Variants in TMC2 observed in about 807,000 individuals in gnomAD.
TMC2 encodes the protein transmembrane channel like 2.
A neutral mutation model predicts 105.9 loss-of-function variants in TMC2; 102 were observed. That is an observed-to-expected ratio of 0.96 (90% CI 0.82 to 1.14). The LOEUF is 1.14. Ranked by LOEUF, TMC2 falls within the 50% of genes most tolerant of loss-of-function variation. The pLI is 0.00. For missense variants in TMC2, 1,093 were observed against 1,134.3 expected (o/e 0.96, Z 0.52); for synonymous variants, 402 against 422.8 (o/e 0.95, Z 0.60).
intron 4 of TMC2, among the ~76,000 whole-genome samples, chr20:2,569,289 T>C (rs2086086154): frequency 6.6e-6 from 1 of 152,238 alleles, no homozygotes; most frequent in African/African-American, 2.4e-5. Flanking sequence ...CTGCAGAATA[T>C]TTAATAGACA....
At position 2,592,277 on chromosome 20, in the gene TMC2, A is replaced by G. The variant is rs1230269686; in HGVS notation, c.835-33A>G. On this transcript the variant is annotated intron_variant, in intron 7 of 19. Transcript: ENST00000358864. The surrounding 1 kb of genome is among the most constrained non-coding windows in gnomAD (Gnocchi z 4.9). ...GTCTCTGTGTGTTTGTATTTCCTCC[A>G]CTCATACTTGTGTCATTGTGTTTCT... The G allele has an allele frequency of 7.0e-7, 1 of 1,419,180 alleles. No individual in the cohort carries two copies. Among genetic ancestry groups the G allele is most frequent in the African/African-American group, 1.4e-5 (1 of 71,330 alleles). The allele number at this position is 1,419,180 out of a possible 1,614,324, so 87.9% of individuals were successfully genotyped here. A position where few individuals can be genotyped will look rare whatever the true frequency, so the allele number is the denominator to read the frequency against.
chr20:2,628,364 T>G (rs1179879137), intron 17 of TMC2, among the ~76,000 whole-genome samples: 1 of 152,222 alleles, frequency 6.6e-6, no homozygotes, highest in Non-Finnish European at 1.5e-5. Flanking sequence ...TTAGGATAGC[T>G]CTTTCATCAT....
intron 7 of TMC2, among the ~76,000 whole-genome samples, chr20:2,584,568 C>T (rs530683019): frequency 6.6e-6 from 1 of 152,204 alleles, no homozygotes; most frequent in East Asian, 1.9e-4. Flanking sequence ...TTATTACCTA[C>T]GTAACCCTCA....
At position 2,558,881 on chromosome 20, in the gene TMC2, C is replaced by G; in HGVS notation, c.401+107C>G. The stretch of plus-strand genomic sequence containing the variant: ...TGATGCCCCCCTCCCCGGGGAGAGG[C>G]AGCCCGTGCCCTCGCTCTGGCTTCC... On this transcript the variant is annotated intron_variant, in intron 3 of 19. Coordinates refer to ENST00000358864, the MANE Select transcript of TMC2 (RefSeq NM_080751.3). The surrounding 1 kb of genome is among the most constrained non-coding windows in gnomAD (Gnocchi z 4.6). The G allele has an allele frequency of 8.5e-7, 1 of 1,177,060 alleles. No homozygotes were observed. Among genetic ancestry groups the G allele is most frequent in the Non-Finnish European group, 1.2e-6 (1 of 855,976 alleles). 72.9% of individuals were successfully genotyped at this position (1,177,060 alleles called of 1,614,324 possible). A position where few individuals can be genotyped will look rare whatever the true frequency, so the allele number is the denominator to read the frequency against.
At chr20:2,539,292 G>A (rs1357162844) in intron 2 of TMC2, among the ~76,000 whole-genome samples, 2 of 152,208 alleles carry the variant, frequency 1.3e-5, no homozygotes, top group African/African-American at 2.4e-5. Context: ...TGTTGAAGAG[G>A]TCTGGGGAAG....
At chr20:2,561,326 T>C (rs1053601438) in intron 3 of TMC2, among the ~76,000 whole-genome samples, 17 of 152,220 alleles carry the variant, frequency 1.1e-4, no homozygotes, top group Admixed American at 3.3e-4. Context: ...TATAAACTTA[T>C]GAAATATAAA....
chr20:2,572,791 C>G (rs1397464241), intron 5 of TMC2, among the ~76,000 whole-genome samples: 1 of 152,136 alleles, frequency 6.6e-6, no homozygotes, highest in East Asian at 1.9e-4. Context: ...TGAAAAACTA[C>G]CATTCTCATT....
Position 2,641,538 on chromosome 20 carries a change from A to C in TMC2, c.*187A>C. 1.7e-6 allele frequency: 1 copy of C among 581,974 alleles called. No individual in the cohort carries two copies. The highest frequency in any genetic ancestry group is 3.1e-6 in the Non-Finnish European group (1 of 326,476). The allele number at this position is 581,974 out of a possible 1,614,324, so 36.1% of individuals were successfully genotyped here. ...ACCGAAGGAGGAAGACAGTGGCTTC[A>C]CCTGTCCTTTAGGGAAGCTGGAGCC... On this transcript the variant is annotated 3_prime_UTR_variant, in exon 20 of 20. Coordinates refer to ENST00000358864, the MANE Select transcript of TMC2 (RefSeq NM_080751.3).
rs539047655 is a variant in TMC2, at chr20:2,642,297, G to C, written c.*946G>C. Among the ~76,000 whole-genome samples the C allele has an allele frequency of 2.0e-5, 3 of 152,136 alleles. No homozygotes were observed. The highest frequency in any genetic ancestry group is 2.9e-5 in the Non-Finnish European group (2 of 68,024). On this transcript the variant is annotated 3_prime_UTR_variant, in exon 20 of 20. Transcript: ENST00000358864. ...CAGTCATGGAGAGTGGGGATTGGTG[G>C]GAAGACTGGTGATACCCCAGTACCC...
chr20:2,546,044 G>C (rs1164191041), intron 2 of TMC2, among the ~76,000 whole-genome samples: 1 of 152,180 alleles, frequency 6.6e-6, no homozygotes, highest in Admixed American at 6.5e-5. Context: ...TTATAATTCT[G>C]TCAGTGAAAG....
intron 17 of TMC2, among the ~76,000 whole-genome samples, chr20:2,634,063 T>G (rs1449761077): frequency 6.6e-6 from 1 of 152,198 alleles, no homozygotes; most frequent in Non-Finnish European, 1.5e-5. Context: ...GTTCCTTAGA[T>G]GTATCTGTTT....
intron 3 of TMC2, among the ~76,000 whole-genome samples, chr20:2,559,266 A>G (rs2086008640): frequency 1.3e-5 from 2 of 152,210 alleles, no homozygotes; most frequent in South Asian, 4.1e-4. Context: ...GAAATGTGGC[A>G]CTGGTCCAGG....
At chr20:2,578,943 C>A (rs1220296281) in intron 5 of TMC2, among the ~76,000 whole-genome samples, 1 of 152,180 alleles carries the variant, frequency 6.6e-6, no homozygotes, top group Non-Finnish European at 1.5e-5. Context: ...TCACTCCAGG[C>A]CTGACGTTGG....
At chr20:2,543,476 A>G (rs1388592156) in intron 2 of TMC2, among the ~76,000 whole-genome samples, 1 of 152,230 alleles carries the variant, frequency 6.6e-6, no homozygotes, top group African/African-American at 2.4e-5. Context: ...ATCACAACAT[A>G]ATAGTCCACA....
At chr20:2,578,462 T>G (rs998007080) in intron 5 of TMC2, among the ~76,000 whole-genome samples, 16 of 152,372 alleles carry the variant, frequency 1.1e-4, no homozygotes, top group African/African-American at 1.9e-4. Context: ...AATGTGGGGC[T>G]GGTGGAGAGC....
intron 14 of TMC2, among the ~76,000 whole-genome samples, chr20:2,615,431 CCTT>C (rs1207317621): frequency 1.3e-5 from 2 of 152,260 alleles, no homozygotes; most frequent in African/African-American, 4.8e-5. Context: ...TCTCATCTCT[CCTT>C]CTTGTGTTCT....
chr20:2,580,549 C>T (rs1442771406), intron 7 of TMC2, among the ~76,000 whole-genome samples: 1 of 152,072 alleles, frequency 6.6e-6, no homozygotes, highest in Non-Finnish European at 1.5e-5. Flanking sequence ...TTGGATTTGA[C>T]TATCACTCCT....
intron 3 of TMC2, among the ~76,000 whole-genome samples, chr20:2,560,369 C>T (rs983790071): frequency 6.6e-6 from 1 of 152,078 alleles, no homozygotes; most frequent in African/African-American, 2.4e-5. Flanking sequence ...CTAAAACACC[C>T]AGAGGCTGCT....
intron 4 of TMC2, among the ~76,000 whole-genome samples, chr20:2,562,427 G>A (rs2086033942): frequency 6.6e-6 from 1 of 152,192 alleles, no homozygotes; most frequent in South Asian, 2.1e-4. Flanking sequence ...ACACACTCTC[G>A]CTTGCGTGAT....
Sources: gnomAD v4.1 joint callset for allele counts (sites outside exome capture counted in the v4.1 genomes callset) on GRCh38, gnomAD v4.1.1 for gene constraint, Gnocchi (gnomAD v3.1) non-coding constraint, MANE v1.5 for transcripts, NCBI Gene and HGNC (gene_info 2026-07-23, HGNC 2026-07-21) for gene names.